The following INPP4B variants were observed in gnomAD, a reference collection of about 807,000 sequenced individuals.
INPP4B encodes inositol polyphosphate-4-phosphatase type II B.
Under a neutral mutation model 122.5 loss-of-function variants are expected in INPP4B, and 55 were observed. The ratio of observed to expected loss-of-function variants is 0.45; its 90% confidence interval spans 0.36 to 0.56. The LOEUF is 0.56. INPP4B is among the 20% of genes least tolerant of loss of function. The pLI, the probability that INPP4B is intolerant of heterozygous loss-of-function variation, is 0.00. For missense variants in INPP4B, 1,000 were observed against 1,097.7 expected, an observed-to-expected ratio of 0.91 and a Z score of 1.26; for synonymous variants, 403 against 388.7, an observed-to-expected ratio of 1.04 and a Z score of -0.43.
rs191561475 is a variant in INPP4B at position 142,333,703 on chromosome 4, G to T, written c.373-18941C>A. 2.0e-5 allele frequency among the ~76,000 whole-genome samples: 3 copies of T among 151,008 alleles called. No individual in the cohort carries two copies. In the East Asian group the frequency reaches 5.8e-4, roughly 29 times the overall value. The stretch of plus-strand genomic sequence containing the variant: ...TGTATTGGACTACATTAACTCAGTT[G>T]GTCCAATGAGTTCATTTTTTTTCCA... On this transcript the variant is annotated intron_variant, in intron 7 of 25. Transcript: ENST00000262992.
intron 2 of INPP4B, among the ~76,000 whole-genome samples, chr4:142,652,500 C>T (rs1753199062): frequency 6.6e-6 from 1 of 152,172 alleles, no homozygotes; most frequent in Admixed American, 6.5e-5. Context: ...TCTCCTTAAG[C>T]TGATCAGCAA....
At chr4:142,650,157 A>G (rs192707354) in intron 2 of INPP4B, among the ~76,000 whole-genome samples, 1 of 152,346 alleles carries the variant, frequency 6.6e-6, no homozygotes, top group Admixed American at 6.5e-5. Context: ...TTTACAGACA[A>G]GCAAATGCTG....
intron 18 of INPP4B, among the ~76,000 whole-genome samples, chr4:142,132,454 T>A (rs1360009106): frequency 6.6e-6 from 1 of 152,184 alleles, no homozygotes; most frequent in Non-Finnish European, 1.5e-5. Context: ...GTTAACGCAG[T>A]CAATATTTTT....
At chr4:142,298,034 G>A (rs532722057) in intron 9 of INPP4B, among the ~76,000 whole-genome samples, 3 of 152,084 alleles carry the variant, frequency 2.0e-5, no homozygotes, top group Non-Finnish European at 2.9e-5. Context: ...GACTAAGCTC[G>A]GACTTGCACC....
At chr4:142,213,529 G>C (rs1450223036) in intron 12 of INPP4B, among the ~76,000 whole-genome samples, 1 of 152,076 alleles carries the variant, frequency 6.6e-6, no homozygotes, top group Non-Finnish European at 1.5e-5. Context: ...ATATCCACTG[G>C]ACACGTGACA....
intron 25 of INPP4B, among the ~76,000 whole-genome samples, chr4:142,076,171 T>C (rs537720342): frequency 6.6e-6 from 1 of 152,102 alleles, no homozygotes; most frequent in Non-Finnish European, 1.5e-5. Context: ...GAAATAGACT[T>C]CAAAATCATC....
chr4:142,710,396 G>A (rs1320654761), intron 2 of INPP4B, among the ~76,000 whole-genome samples: 1 of 152,184 alleles, frequency 6.6e-6, no homozygotes, highest in Non-Finnish European at 1.5e-5. Flanking sequence ...GGTAGAGGAT[G>A]TGGACAATGG....
intron 25 of INPP4B, among the ~76,000 whole-genome samples, chr4:142,069,108 A>G (rs1468565082): frequency 2.6e-5 from 4 of 152,226 alleles, no homozygotes; most frequent in African/African-American, 9.6e-5. Context: ...CAAATGTAAA[A>G]GAACAGAAAT....
intron 5 of INPP4B, among the ~76,000 whole-genome samples, chr4:142,410,281 G>A (rs1211616380): frequency 6.6e-6 from 1 of 152,240 alleles, no homozygotes; most frequent in Non-Finnish European, 1.5e-5. Flanking sequence ...GCTTTCACGA[G>A]AGTGGTGGTG....
intron 10 of INPP4B, among the ~76,000 whole-genome samples, chr4:142,262,188 C>T (rs1357014299): frequency 1.3e-5 from 2 of 152,084 alleles, no homozygotes; most frequent in Non-Finnish European, 2.9e-5. Flanking sequence ...CAGTGTTCTA[C>T]TCTACAATGA....
chr4:142,811,762 G>C (rs1449189425), intron 1 of INPP4B, among the ~76,000 whole-genome samples: 6 of 152,004 alleles, frequency 3.9e-5, no homozygotes, highest in African/African-American at 1.5e-4. Context: ...TTAATATTTT[G>C]AATATCATTT....
At chr4:142,611,782 C>A (rs1305012876) in intron 2 of INPP4B, among the ~76,000 whole-genome samples, 2 of 151,500 alleles carry the variant, frequency 1.3e-5, no homozygotes, top group East Asian at 3.9e-4. Flanking sequence ...GATTCTCCTG[C>A]CTCAGCCTCC....
intron 1 of INPP4B, among the ~76,000 whole-genome samples, chr4:142,742,443 C>G (rs976677366): frequency 6.6e-6 from 1 of 151,872 alleles, no homozygotes; most frequent in East Asian, 1.9e-4. Context: ...TGAGTTGACT[C>G]TAATAAGTGC....
intron 1 of INPP4B, among the ~76,000 whole-genome samples, chr4:142,816,390 C>T (rs181265098): frequency 6.6e-6 from 1 of 152,034 alleles, no homozygotes; most frequent in East Asian, 1.9e-4. Flanking sequence ...GTTAAATATT[C>T]TACCATAGGA....
At chr4:142,604,569 T>C (rs1308039610) in intron 2 of INPP4B, among the ~76,000 whole-genome samples, 1 of 152,096 alleles carries the variant, frequency 6.6e-6, no homozygotes, top group African/African-American at 2.4e-5. Flanking sequence ...GTAATGTTTC[T>C]ATACACCAAT....
intron 11 of INPP4B, among the ~76,000 whole-genome samples, chr4:142,249,097 C>T (rs1316370981): frequency 2.0e-5 from 3 of 152,066 alleles, no homozygotes; most frequent in Admixed American, 6.6e-5. Flanking sequence ...AAGTTCTCCA[C>T]ATAGGAGGGC....
intron 2 of INPP4B, among the ~76,000 whole-genome samples, chr4:142,526,484 T>C (rs1208233898): frequency 6.6e-6 from 1 of 152,032 alleles, no homozygotes; most frequent in Non-Finnish European, 1.5e-5. Flanking sequence ...TTGGCCATAA[T>C]GCATCAATTC....
At chr4:142,537,913 G>A (rs1168432092) in intron 2 of INPP4B, among the ~76,000 whole-genome samples, 1 of 152,148 alleles carries the variant, frequency 6.6e-6, no homozygotes, top group East Asian at 1.9e-4. Flanking sequence ...ACCGAAGTAA[G>A]CTAGAGTAAG....
intron 21 of INPP4B, among the ~76,000 whole-genome samples, chr4:142,121,868 T>C (rs1796682749): frequency 6.6e-6 from 1 of 152,130 alleles, no homozygotes; most frequent in Non-Finnish European, 1.5e-5. Flanking sequence ...ATGCAGGCTA[T>C]TATTTTGAAT....
Sources: gnomAD v4.1 joint callset for allele counts (sites outside exome capture counted in the v4.1 genomes callset) on GRCh38, gnomAD v4.1.1 for gene constraint, MANE v1.5 for transcripts, NCBI Gene and HGNC (gene_info 2026-07-23, HGNC 2026-07-21) for gene names.